The following SMIM13 variants were observed in gnomAD, a reference collection of about 807,000 sequenced individuals.
SMIM13 encodes the protein UPF0766 protein C6orf228.
In SMIM13, 3 loss-of-function variants were observed where a neutral mutation model predicts 5.9. The ratio of observed to expected loss-of-function variants is 0.51; its 90% CI spans 0.23 to 1.31. SMIM13 has a LOEUF of 1.31. Ranked by LOEUF, SMIM13 falls within the 40% of genes most tolerant of loss-of-function variation. The probability of loss-of-function intolerance (pLI) is 0.18; values close to 1 mark genes in which losing one functional copy is unlikely to be tolerated. For synonymous variants in SMIM13, 55 were observed against 46.0 expected, an observed-to-expected ratio of 1.19 and a Z score of -0.79; for missense variants, 85 against 109.9, an observed-to-expected ratio of 0.77 and a Z score of 1.01.
intron 1 of SMIM13, chr6:11,105,159 G>A: frequency 6.2e-7 from 1 of 1,614,242 alleles, no homozygotes; most frequent in Non-Finnish European, 8.5e-7. Context: ...TGGTGTTTCA[G>A]TGGAAGAGCT....
At position 11,135,384 on chromosome 6, in the gene SMIM13, A is replaced by G. The variant is rs1441613645; in HGVS notation, c.*782A>G. ...CAAAAGGATTGCCTATCACACGCCA[A>G]GCAATGCAATTGAAGGCAGGAGAAG... On this transcript the variant is annotated 3_prime_UTR_variant, in exon 2 of 2. Transcript: ENST00000416247. 6.6e-6 allele frequency: 1 copy of G among 152,646 alleles called. No individual in the cohort carries two copies. The highest frequency in any genetic ancestry group is 1.5e-5 in the Non-Finnish European group (1 of 68,038). The allele number at this position is 152,646 out of a possible 1,614,324, so 9.5% of individuals were successfully genotyped here.
chr6:11,127,661 A>G (rs993087303), intron 1 of SMIM13, among the ~76,000 whole-genome samples: 1 of 152,234 alleles, frequency 6.6e-6, no homozygotes, highest in African/African-American at 2.4e-5. Flanking sequence ...GAAACCTCTG[A>G]TAAAACCATC....
At chr6:11,104,986 T>C in intron 1 of SMIM13, 1 of 1,614,102 alleles carries the variant, frequency 6.2e-7, no homozygotes, top group South Asian at 1.1e-5. Context: ...GGTCCGAAAA[T>C]GGGAGGTTTC....
intron 1 of SMIM13, 83 bp downstream of exon 1, chr6:11,094,472 G>A (rs1011046353): frequency 3.5e-5 from 40 of 1,156,066 alleles, no homozygotes; most frequent in Non-Finnish European, 4.6e-5. Context: ...TTGTTTTTTT[G>A]AAAAAAACAA....
At chr6:11,105,939 A>G (rs1251919429) in intron 1 of SMIM13, among the ~76,000 whole-genome samples, 4 of 152,190 alleles carry the variant, frequency 2.6e-5, no homozygotes, top group African/African-American at 9.7e-5. Flanking sequence ...CCTTAGGGGC[A>G]GCAAATCAGA....
chr6:11,096,395 T>A lies in SMIM13; in HGVS notation c.76+2006T>A, dbSNP rs111491568. On this transcript the variant is annotated intron_variant, in intron 1 of 1. Transcript: ENST00000416247. ...ACTTGCCTCCTGCAGGGAGGAGGGATCTGTGTGCTAGGGCTGGAGAGCCCT... is the reference window on the plus strand; with the variant it reads ...ACTTGCCTCCTGCAGGGAGGAGGGAACTGTGTGCTAGGGCTGGAGAGCCCT... Among the ~76,000 whole-genome samples, 404 of 152,300 alleles carry A rather than the reference T, an allele frequency of 2.7e-3. 1 individual carries two copies. Among genetic ancestry groups the A allele is most frequent in the African/African-American group, 9.4e-3 (392 of 41,562 alleles).
rs762427687 is a variant in SMIM13, at chr6:11,104,303, T to C, written c.76+9914T>C. 4 of 1,551,678 alleles carry C rather than the reference T, an allele frequency of 2.6e-6. No individual in the cohort carries two copies. In the South Asian group the frequency reaches 3.6e-5, roughly 14 times the overall value. On this transcript the variant is annotated intron_variant, in intron 1 of 1. Transcript: ENST00000416247. ...ACGGGGAATTCCCATAGATTGGTAT[T>C]GGAAGAGAGAGATTGCCAGGGGCTA...
chr6:11,106,622 A>G (rs1406715655), intron 1 of SMIM13, among the ~76,000 whole-genome samples: 1 of 152,202 alleles, frequency 6.6e-6, no homozygotes. Context: ...TGGGTGGCCC[A>G]ATCTGTTTCT....
chr6:11,134,571 C>A lies in SMIM13; in HGVS notation c.245C>A (p.Pro82His), dbSNP rs770330724. 1 of 1,548,836 alleles carries A rather than the reference C, an allele frequency of 6.5e-7. No homozygotes were observed. The highest frequency in any genetic ancestry group is 2.0e-5 in the Admixed American group (1 of 50,856). ...AGATCCGCTCGCCAAAGGAGGGCAC[C>A]TGCTGATGAAGGCCACAGACCCCTG... is the stretch of plus-strand genomic sequence containing the variant. Reference protein sequence around the residue: ...RIRSARQRRAPADEGHRPLT With the variant: ...RIRSARQRRAHADEGHRPLT Residue 82 changes from proline to histidine, a missense_variant, in exon 2 of 2, where the codon CCT becomes CAT. Physicochemically the swap from Pro to His is moderately conservative, Grantham distance 77 (BLOSUM62 -2). Coordinates refer to ENST00000416247, the MANE Select transcript of SMIM13 (RefSeq NM_001135575.2).
intron 1 of SMIM13, among the ~76,000 whole-genome samples, chr6:11,109,716 A>G (rs1343539542): frequency 6.6e-6 from 1 of 152,032 alleles, no homozygotes; most frequent in Non-Finnish European, 1.5e-5. Flanking sequence ...CTTTTATTCA[A>G]CCCAGGCTGT....
intron 1 of SMIM13, among the ~76,000 whole-genome samples, chr6:11,130,210 C>T (rs1278113983): frequency 6.7e-6 from 1 of 150,010 alleles, no homozygotes; most frequent in African/African-American, 2.5e-5. Flanking sequence ...TACAATTTAT[C>T]TCTTTCCTTT....
chr6:11,100,218 G>A (rs1757973269), intron 1 of SMIM13, among the ~76,000 whole-genome samples: 1 of 151,966 alleles, frequency 6.6e-6, no homozygotes, highest in Non-Finnish European at 1.5e-5. Flanking sequence ...CTGCCACCAT[G>A]CCCAGCTAAT....
intron 1 of SMIM13, among the ~76,000 whole-genome samples, chr6:11,130,194 C>T (rs1396740609): frequency 6.7e-6 from 1 of 148,984 alleles, no homozygotes; most frequent in Non-Finnish European, 1.5e-5. Context: ...CAATTCTTAT[C>T]TAAACTACAA....
At chr6:11,097,956 A>C (rs1403460148) in intron 1 of SMIM13, among the ~76,000 whole-genome samples, 1 of 150,036 alleles carries the variant, frequency 6.7e-6, no homozygotes, top group African/African-American at 2.4e-5. Flanking sequence ...CCGCCCCCCC[A>C]CCCAATTTCT....
chr6:11,133,731 A>G (rs189840866), intron 1 of SMIM13, among the ~76,000 whole-genome samples: 1 of 148,704 alleles, frequency 6.7e-6, no homozygotes, highest in Non-Finnish European at 1.5e-5. Flanking sequence ...TTGCAAAAAC[A>G]AAACTTGTTT....
chr6:11,124,658 C>A (rs181211108), intron 1 of SMIM13, among the ~76,000 whole-genome samples: 1 of 152,246 alleles, frequency 6.6e-6, no homozygotes, highest in African/African-American at 2.4e-5. Flanking sequence ...TTCCTTTTTT[C>A]TCCACATTCT....
chr6:11,117,410 C>T (rs955156131), intron 1 of SMIM13, among the ~76,000 whole-genome samples: 10 of 150,906 alleles, frequency 6.6e-5, no homozygotes, highest in African/African-American at 1.7e-4. Flanking sequence ...CTCTTGACCT[C>T]GTGATCCGCC....
chr6:11,099,754 A>G (rs1199677382), intron 1 of SMIM13, among the ~76,000 whole-genome samples: 2 of 152,202 alleles, frequency 1.3e-5, no homozygotes, highest in African/African-American at 4.8e-5. Context: ...CCTAGTGGTG[A>G]GGGTAGAGGT....
intron 1 of SMIM13, among the ~76,000 whole-genome samples, chr6:11,108,687 A>C (rs1758124107): frequency 6.6e-6 from 1 of 151,336 alleles, no homozygotes; most frequent in Non-Finnish European, 1.5e-5. Context: ...GCCCTTTCCT[A>C]CTCCTCCTGG....
Sources: gnomAD v4.1 joint callset for allele counts (sites outside exome capture counted in the v4.1 genomes callset) on GRCh38, gnomAD v4.1.1 for gene constraint, MANE v1.5 for transcripts, NCBI Gene and HGNC (gene_info 2026-07-23, HGNC 2026-07-21) for gene names.